NALF1: variants seen among roughly 807,000 people sequenced by gnomAD.
The protein encoded by NALF1 is family with sequence similarity 155 member A.
NALF1 carries 3 observed loss-of-function variants against 48.4 expected under a neutral mutation model. That is an observed-to-expected ratio of 0.06 (90% confidence interval 0.03 to 0.16). The LOEUF is 0.16. Among genes scored for constraint, NALF1 ranks in the 10% least tolerant of loss-of-function variants. The pLI, the probability that NALF1 is intolerant of heterozygous loss-of-function variation, is 1.00. For missense variants in NALF1, 526 were observed against 571.5 expected (o/e 0.92, Z 0.81); for synonymous variants, 262 against 245.7 (o/e 1.07, Z -0.62).
At chr13:107,555,439 A>ATTT (rs34486058) in intron 1 of NALF1, among the ~76,000 whole-genome samples, 72 of 69,960 alleles carry the variant, frequency 1.0e-3, no homozygotes, top group East Asian at 4.1e-3. Context: ...AGCCTGGCTA[A>ATTT]TTTTTTTTTT....
chr13:107,416,541 T>C (rs991409135), intron 1 of NALF1, among the ~76,000 whole-genome samples: 1 of 152,190 alleles, frequency 6.6e-6, no homozygotes, highest in East Asian at 1.9e-4. Context: ...CTCCTCCTTA[T>C]GACTTTCTGG....
In NALF1 at chr13:107,341,782, A is replaced by G. The variant is rs1049731278; in HGVS notation, c.916-131027T>C. ...ATAATGTGTGTGTGTGTATATATAC[A>G]TATTTATAGGCATTTTTATCTTCAA... On this transcript the variant is annotated intron_variant, in intron 1 of 2. Coordinates refer to ENST00000375915, the MANE Select transcript of NALF1 (RefSeq NM_001080396.3). Among the ~76,000 whole-genome samples, 7 of 151,644 alleles carry G rather than the reference A, an allele frequency of 4.6e-5. No individual in the cohort carries two copies. The East Asian group carries it at 1.3e-3, about 29-fold the overall frequency.
chr13:107,316,431 T>G (rs990300142), intron 1 of NALF1, among the ~76,000 whole-genome samples: 1 of 152,224 alleles, frequency 6.6e-6, no homozygotes, highest in Non-Finnish European at 1.5e-5. Context: ...GATGGCTGGG[T>G]CAAATGGTAT....
At chr13:107,638,081 A>G (rs1880033888) in intron 1 of NALF1, among the ~76,000 whole-genome samples, 1 of 151,406 alleles carries the variant, frequency 6.6e-6, no homozygotes, top group Non-Finnish European at 1.5e-5. Flanking sequence ...AGTGACATCT[A>G]AAAACGACAT....
At chr13:107,186,735 T>C (rs1434708577) in intron 2 of NALF1, among the ~76,000 whole-genome samples, 1 of 152,222 alleles carries the variant, frequency 6.6e-6, no homozygotes, top group African/African-American at 2.4e-5. Context: ...GTATTCATTT[T>C]CCCTTGCTGT....
At chr13:107,491,663 G>A (rs1481519071) in intron 1 of NALF1, among the ~76,000 whole-genome samples, 2 of 152,132 alleles carry the variant, frequency 1.3e-5, no homozygotes, top group Admixed American at 6.6e-5. Context: ...AAACTCATCT[G>A]TCTCTACCTT....
chr13:107,298,852 T>G (rs996979872), intron 1 of NALF1, among the ~76,000 whole-genome samples: 3 of 152,232 alleles, frequency 2.0e-5, no homozygotes, highest in African/African-American at 7.2e-5. Context: ...GATAACAACT[T>G]ACATAACTAC....
At chr13:107,495,731 C>A (rs1210463382) in intron 1 of NALF1, among the ~76,000 whole-genome samples, 1 of 152,118 alleles carries the variant, frequency 6.6e-6, no homozygotes, top group East Asian at 1.9e-4. Context: ...AGATGGTTAT[C>A]ATTGTTGTCA....
chr13:107,284,945 A>G (rs1473459313), intron 1 of NALF1, among the ~76,000 whole-genome samples: 1 of 149,994 alleles, frequency 6.7e-6, no homozygotes, highest in African/African-American at 2.5e-5. Context: ...GACTAATACA[A>G]TAACCAAATA....
intron 1 of NALF1, among the ~76,000 whole-genome samples, chr13:107,586,654 G>C (rs529698429): frequency 7.3e-3 from 69 of 9,426 alleles, no homozygotes; most frequent in African/African-American, 0.068. Flanking sequence ...TTTTTTGCTA[G>C]GAATGAGTCT....
At chr13:107,173,422 G>T (rs553340595) in intron 2 of NALF1, among the ~76,000 whole-genome samples, 1 of 150,688 alleles carries the variant, frequency 6.6e-6, no homozygotes, top group Non-Finnish European at 1.5e-5. Context: ...ATACCACTTC[G>T]TTTTTTTTTC....
At chr13:107,664,174 C>T (rs1566435388) in intron 1 of NALF1, among the ~76,000 whole-genome samples, 1 of 152,194 alleles carries the variant, frequency 6.6e-6, no homozygotes, top group African/African-American at 2.4e-5. Flanking sequence ...TTAGTGAGGA[C>T]TCCATTCTTC....
chr13:107,839,668 T>C (rs1211296539), intron 1 of NALF1, among the ~76,000 whole-genome samples: 1 of 146,282 alleles, frequency 6.8e-6, no homozygotes, highest in African/African-American at 2.5e-5. Flanking sequence ...GTGGGGAAAA[T>C]GTGGTCCTGC....
At chr13:107,177,943 AG>A (rs906484992) in intron 2 of NALF1, among the ~76,000 whole-genome samples, 5 of 152,170 alleles carry the variant, frequency 3.3e-5, no homozygotes, top group Non-Finnish European at 5.9e-5. Flanking sequence ...AGCTATGGGG[AG>A]CCTGAGGCAG....
At chr13:107,317,932 T>A (rs1483542195) in intron 1 of NALF1, among the ~76,000 whole-genome samples, 1 of 151,952 alleles carries the variant, frequency 6.6e-6, no homozygotes, top group Non-Finnish European at 1.5e-5. Flanking sequence ...CATTAAAATG[T>A]TAAATTTTTG....
chr13:107,271,788 A>ATC (rs1881172885), intron 1 of NALF1, among the ~76,000 whole-genome samples: 2 of 76,996 alleles, frequency 2.6e-5, no homozygotes, highest in African/African-American at 7.2e-5. Context: ...ATATATATAT[A>ATC]TATATATATA....
rs938064439 is a variant in NALF1, at chr13:107,210,690, T to C, written c.981A>G (p.Thr327=). 1 of 1,611,656 alleles carries C rather than the reference T, an allele frequency of 6.2e-7. No homozygotes were observed. Among genetic ancestry groups the C allele is most frequent in the Admixed American group, 1.7e-5 (1 of 60,024 alleles). ...CCAAACAGTATTGCTTGCAAGGAAT[T>C]GTCTTTCTGCAGTTAAACTGTGTGA... ...FEVTQFNCRK[T]IPCKQYCLEV... The change falls in exon 2 of 3, where the codon ACA becomes ACG. Residue 327 remains threonine (T), a synonymous_variant. Transcript: ENST00000375915.
chr13:107,396,397 T>C (rs1374759137), intron 1 of NALF1, among the ~76,000 whole-genome samples: 3 of 152,156 alleles, frequency 2.0e-5, no homozygotes, highest in Admixed American at 6.6e-5. Flanking sequence ...AGAGAGAACA[T>C]TCAGGGAAGT....
chr13:107,504,028 C>G (rs962416901), intron 1 of NALF1, among the ~76,000 whole-genome samples: 1 of 150,832 alleles, frequency 6.6e-6, no homozygotes, highest in African/African-American at 2.4e-5. Flanking sequence ...CTGAGGCGGG[C>G]GGATCACTTG....
Sources: gnomAD v4.1 joint callset for allele counts (sites outside exome capture counted in the v4.1 genomes callset) on GRCh38, gnomAD v4.1.1 for gene constraint, MANE v1.5 for transcripts, NCBI Gene and HGNC (gene_info 2026-07-23, HGNC 2026-07-21) for gene names.